ANGPT1: variants seen among roughly 807,000 people sequenced by gnomAD.
ANGPT1 encodes the protein angiopoietin-1.
ANGPT1 carries 17 observed loss-of-function variants against 62.2 expected under a neutral mutation model. That is an observed-to-expected ratio of 0.27 (90% CI 0.19 to 0.41). The LOEUF is 0.41. ANGPT1 is among the 10% of genes least tolerant of loss of function. The pLI is 1.00. For missense variants in ANGPT1, 478 were observed against 594.9 expected, an observed-to-expected ratio of 0.80 and a Z score of 2.04; for synonymous variants, 199 against 198.9, an observed-to-expected ratio of 1.00 and a Z score of 0.00.
intron 1 of ANGPT1, among the ~76,000 whole-genome samples, chr8:107,358,329 G>A (rs139829680): frequency 0.011 from 1,722 of 152,154 alleles, 22 homozygotes; most frequent in Middle Eastern, 0.021. Context: ...CAAAGCATAA[G>A]AAAGGAATAA....
At chr8:107,353,142 T>A (rs2130178781) in intron 1 of ANGPT1, among the ~76,000 whole-genome samples, 1 of 152,340 alleles carries the variant, frequency 6.6e-6, no homozygotes, top group African/African-American at 2.4e-5. Flanking sequence ...ATGGATCCCA[T>A]TTCTCATTTT....
chr8:107,284,756 T>C lies in ANGPT1; in HGVS notation c.1131A>G (p.Leu377=). ...AGGCTCGGTTCCCTTCCCAGTCCATTAACTCAATTCTTAGCATGTACTGCC... is the reference window on the plus strand; with the variant it reads ...AGGCTCGGTTCCCTTCCCAGTCCATCAACTCAATTCTTAGCATGTACTGCC... ...SQRQYMLRIE[L]MDWEGNRAYS... The change falls in exon 7 of 9, where the codon TTA becomes TTG. Residue 377 remains leucine, a synonymous_variant. Transcript: ENST00000517746. The C allele has an allele frequency of 6.2e-7, 1 of 1,611,932 alleles. No individual in the cohort carries two copies. Among genetic ancestry groups the C allele is most frequent in the Non-Finnish European group, 8.5e-7 (1 of 1,178,620 alleles).
At chr8:107,427,268 G>C (rs1811064892) in intron 1 of ANGPT1, among the ~76,000 whole-genome samples, 1 of 152,162 alleles carries the variant, frequency 6.6e-6, no homozygotes, top group South Asian at 2.1e-4. Context: ...CTAGGGGCCA[G>C]GGCTGAATTT....
chr8:107,398,849 T>G (rs188958379), intron 1 of ANGPT1, among the ~76,000 whole-genome samples: 63 of 152,278 alleles, frequency 4.1e-4, no homozygotes, highest in African/African-American at 1.5e-3. Flanking sequence ...CAGAAGACAC[T>G]GGGACATTTT....
intron 2 of ANGPT1, among the ~76,000 whole-genome samples, chr8:107,343,938 T>C (rs1815749261): frequency 6.6e-6 from 1 of 152,044 alleles, no homozygotes; most frequent in African/African-American, 2.4e-5. Flanking sequence ...GGCACACACC[T>C]GTAGTCCCAG....
intron 7 of ANGPT1, among the ~76,000 whole-genome samples, chr8:107,265,257 A>G (rs968560153): frequency 6.6e-6 from 1 of 152,192 alleles, no homozygotes; most frequent in Non-Finnish European, 1.5e-5. Context: ...TTTGTTTTCA[A>G]CTAGCATCTC....
At chr8:107,276,645 T>C (rs560131774) in intron 7 of ANGPT1, among the ~76,000 whole-genome samples, 154 of 151,858 alleles carry the variant, frequency 1.0e-3, no homozygotes, top group African/African-American at 3.5e-3. Context: ...AAAAAATGGA[T>C]TGGGGAACTG....
chr8:107,313,299 C>T (rs1316643721), intron 4 of ANGPT1, among the ~76,000 whole-genome samples: 2 of 152,002 alleles, frequency 1.3e-5, no homozygotes, highest in African/African-American at 4.8e-5. Context: ...CATAACCCCA[C>T]TCAGAATGTG....
At chr8:107,475,939 G>A (rs1034912020) in intron 1 of ANGPT1, among the ~76,000 whole-genome samples, 1 of 152,152 alleles carries the variant, frequency 6.6e-6, no homozygotes. Flanking sequence ...TAAACAACAG[G>A]TGCTGGAGAG....
intron 4 of ANGPT1, among the ~76,000 whole-genome samples, chr8:107,308,381 G>A (rs1814771356): frequency 6.6e-6 from 1 of 152,162 alleles, no homozygotes; most frequent in East Asian, 1.9e-4. Flanking sequence ...TGGTTTCTTA[G>A]TCTTTTTCTT....
intron 4 of ANGPT1, among the ~76,000 whole-genome samples, chr8:107,312,299 A>G (rs969625904): frequency 2.6e-5 from 4 of 152,124 alleles, no homozygotes; most frequent in African/African-American, 7.2e-5. Context: ...TTAATTTCCC[A>G]TATACTTTTT....
intron 1 of ANGPT1, among the ~76,000 whole-genome samples, chr8:107,462,226 G>A (rs1812088815): frequency 6.6e-6 from 1 of 151,970 alleles, no homozygotes; most frequent in African/African-American, 2.4e-5. Context: ...ATGAAAATAT[G>A]AAGAGGGAGA....
chr8:107,376,788 A>G (rs1206803147), intron 1 of ANGPT1, among the ~76,000 whole-genome samples: 2 of 152,118 alleles, frequency 1.3e-5, no homozygotes, highest in East Asian at 3.8e-4. Flanking sequence ...CAAAATTTTT[A>G]CATATCTATT....
chr8:107,264,379 A>C (rs770121991), intron 7 of ANGPT1, 28 bp from the exon 8 acceptor site: 8 of 1,608,088 alleles, frequency 5.0e-6, no homozygotes, highest in Non-Finnish European at 8.5e-7. Flanking sequence ...AAAAAGAAAG[A>C]TAAGCCATTC....
intron 1 of ANGPT1, among the ~76,000 whole-genome samples, chr8:107,397,757 T>A (rs984412051): frequency 2.6e-5 from 4 of 152,082 alleles, no homozygotes; most frequent in Non-Finnish European, 4.4e-5. Flanking sequence ...CCCTTTTCAG[T>A]CCTATAATCT....
intron 1 of ANGPT1, among the ~76,000 whole-genome samples, chr8:107,444,219 C>CT (rs1420350076): frequency 6.6e-6 from 1 of 152,158 alleles, no homozygotes; most frequent in Non-Finnish European, 1.5e-5. Flanking sequence ...TTTAGCAACA[C>CT]TGGGAGTTCT....
At chr8:107,462,052 G>T (rs1222678799) in intron 1 of ANGPT1, among the ~76,000 whole-genome samples, 1 of 152,040 alleles carries the variant, frequency 6.6e-6, no homozygotes, top group East Asian at 1.9e-4. Context: ...AAACCTTCTG[G>T]AAGACAGAAG....
intron 1 of ANGPT1, among the ~76,000 whole-genome samples, chr8:107,446,682 A>C (rs1811631526): frequency 6.6e-6 from 1 of 152,208 alleles, no homozygotes; most frequent in South Asian, 2.1e-4. Context: ...TGAAAACGTA[A>C]ATGTTGGCAG....
At chr8:107,316,561 C>G (rs1815019182) in intron 4 of ANGPT1, among the ~76,000 whole-genome samples, 1 of 152,202 alleles carries the variant, frequency 6.6e-6, no homozygotes, top group Admixed American at 6.5e-5. Context: ...TCCCCTACTC[C>G]AGGCTTCTCA....
Sources: allele counts gnomAD v4.1 joint callset (sites outside exome capture counted in the v4.1 genomes callset), GRCh38; gene constraint gnomAD v4.1.1; transcripts MANE v1.5; gene names NCBI Gene and HGNC (gene_info 2026-07-23, HGNC 2026-07-21).